DCPH1: variants seen among roughly 807,000 people sequenced by gnomAD.
DCPH1 encodes damage-control phosphatase 1.
At chr6:151,458,290 A>T in the DCPH1 span, 2 of 1,595,398 alleles carry the variant, frequency 1.3e-6, no homozygotes, top group Non-Finnish European at 1.7e-6. Flanking sequence ...GCACAGACAC[A>T]CACACACACA....
the DCPH1 span, among the ~76,000 whole-genome samples, chr6:151,454,376 C>T: frequency 6.6e-6 from 1 of 152,152 alleles, no homozygotes; most frequent in Non-Finnish European, 1.5e-5. Context: ...GACATACCAG[C>T]GAATTTTCCA....
the DCPH1 span, among the ~76,000 whole-genome samples, chr6:151,468,071 A>G: frequency 3.3e-4 from 51 of 152,374 alleles, 1 homozygote; most frequent in African/African-American, 1.2e-3. Flanking sequence ...TTTTATTCTG[A>G]ATAAACAATG....
chr6:151,469,871 A>G, the DCPH1 span: 2 of 152,214 alleles, frequency 1.3e-5, no homozygotes, highest in African/African-American at 4.8e-5. Context: ...TCAGATTTTT[A>G]GTTTGCAGTT....
At chr6:151,469,245 A>G in the DCPH1 span, 3 of 632,308 alleles carry the variant, frequency 4.7e-6, no homozygotes, top group East Asian at 2.9e-5. Flanking sequence ...GTGCCCATCT[A>G]CGTGCACTGG....
At chr6:151,453,745 A>T in the DCPH1 span, among the ~76,000 whole-genome samples, 1 of 152,246 alleles carries the variant, frequency 6.6e-6, no homozygotes, top group Non-Finnish European at 1.5e-5. Flanking sequence ...TCCACCAAAT[A>T]AAGCTTTTTT....
At chr6:151,454,643 AAC>A in the DCPH1 span, 2 of 1,500,822 alleles carry the variant, frequency 1.3e-6, no homozygotes, top group Non-Finnish European at 1.8e-6. Flanking sequence ...TTTTTTGAGA[AAC>A]ACGGAGAGGT....
the DCPH1 span, among the ~76,000 whole-genome samples, chr6:151,455,845 A>G: frequency 3.3e-5 from 5 of 152,252 alleles, no homozygotes; most frequent in Non-Finnish European, 7.3e-5. Context: ...ACCTTGGACA[A>G]TACCTGGCTT....
chr6:151,460,646 C>T, the DCPH1 span, among the ~76,000 whole-genome samples: 56 of 151,440 alleles, frequency 3.7e-4, no homozygotes, highest in East Asian at 9.3e-3. Context: ...TAGCTGGGCG[C>T]GGTGGTGCGC....
At chr6:151,453,839 ATC>A in the DCPH1 span, among the ~76,000 whole-genome samples, 1 of 152,340 alleles carries the variant, frequency 6.6e-6, no homozygotes, top group Non-Finnish European at 1.5e-5. Flanking sequence ...AATCAAGAAT[ATC>A]TTTAATTTTT....
At chr6:151,468,287 G>A in the DCPH1 span, 1 of 1,209,780 alleles carries the variant, frequency 8.3e-7, no homozygotes, top group Non-Finnish European at 1.2e-6. Context: ...CTACATAATG[G>A]AGTTTTGTTG....
the DCPH1 span, among the ~76,000 whole-genome samples, chr6:151,455,920 A>G: frequency 6.6e-6 from 1 of 152,220 alleles, no homozygotes; most frequent in Admixed American, 6.5e-5. Context: ...GGTACTTGAG[A>G]TTAGGGAGTG....
the DCPH1 span, chr6:151,468,568 G>C: frequency 6.2e-7 from 1 of 1,613,990 alleles, no homozygotes; most frequent in Non-Finnish European, 8.5e-7. Context: ...GCTTGTTACA[G>C]ATTTAATATT....
At chr6:151,454,220 G>C in the DCPH1 span, among the ~76,000 whole-genome samples, 1 of 152,142 alleles carries the variant, frequency 6.6e-6, no homozygotes, top group Non-Finnish European at 1.5e-5. Flanking sequence ...TGATTTCTAA[G>C]CTAATCCATT....
At chr6:151,464,339 C>T in the DCPH1 span, 2 of 593,928 alleles carry the variant, frequency 3.4e-6, no homozygotes, top group African/African-American at 2.0e-5. Context: ...AATGTTATAT[C>T]TAGTTTCTGT....
At chr6:151,460,355 G>C in the DCPH1 span, among the ~76,000 whole-genome samples, 2 of 151,344 alleles carry the variant, frequency 1.3e-5, no homozygotes, top group African/African-American at 4.9e-5. Context: ...TGCCCTCCTC[G>C]TCCTCCCAAA....
chr6:151,453,681 A>C, the DCPH1 span, among the ~76,000 whole-genome samples: 2 of 152,246 alleles, frequency 1.3e-5, no homozygotes, highest in Admixed American at 6.5e-5. Flanking sequence ...TCTGGAGATA[A>C]AAACACTAGT....
At chr6:151,452,517 G>C in the DCPH1 span, 2 of 1,610,962 alleles carry the variant, frequency 1.2e-6, no homozygotes, top group African/African-American at 1.3e-5. Flanking sequence ...TTGAACAGCC[G>C]AGCTTTGCGG....
the DCPH1 span, among the ~76,000 whole-genome samples, chr6:151,457,963 C>CA: frequency 6.6e-6 from 1 of 151,986 alleles, no homozygotes; most frequent in Non-Finnish European, 1.5e-5. Context: ...TTTGAGCTAC[C>CA]AAAAGAAACC....
chr6:151,454,086 G>C, the DCPH1 span, among the ~76,000 whole-genome samples: 2 of 152,142 alleles, frequency 1.3e-5, no homozygotes, highest in Non-Finnish European at 2.9e-5. Context: ...AGGCTTAAAA[G>C]TACCTTTAAT....
Sources: gnomAD v4.1 joint callset for allele counts (sites outside exome capture counted in the v4.1 genomes callset) on GRCh38, gnomAD v4.1.1 for gene constraint, MANE v1.5 for transcripts, NCBI Gene and HGNC (gene_info 2026-07-23, HGNC 2026-07-21) for gene names.